The following NAALADL2 variants were observed in gnomAD, a reference collection of about 807,000 sequenced individuals.
NAALADL2 encodes the protein N-acetylated alpha-linked acidic dipeptidase like 2, also known as inactive N-acetylated-alpha-linked acidic dipeptidase-like protein 2.
In NAALADL2, 76 loss-of-function variants were observed where a neutral mutation model predicts 87.2. The observed-to-expected ratio is 0.87, with a 90% CI of 0.72 to 1.05. The LOEUF is 1.05. Ranked by LOEUF, NAALADL2 falls within the 50% of genes least tolerant of loss-of-function variation. The pLI, the probability that NAALADL2 is intolerant of heterozygous loss-of-function variation, is 0.00. For missense variants in NAALADL2, 1,089 were observed against 945.8 expected, an observed-to-expected ratio of 1.15 and a Z score of -1.99; for synonymous variants, 354 against 331.0, an observed-to-expected ratio of 1.07 and a Z score of -0.75.
At chr3:175,301,926 C>T (rs992043769) in intron 4 of NAALADL2, among the ~76,000 whole-genome samples, 4 of 152,084 alleles carry the variant, frequency 2.6e-5, no homozygotes, top group South Asian at 2.1e-4. Flanking sequence ...TTGGGGACAC[C>T]GTTAACTAAT....
intron 5 of NAALADL2, among the ~76,000 whole-genome samples, chr3:175,434,413 G>A (rs1258495567): frequency 3.3e-5 from 5 of 151,886 alleles, no homozygotes. Context: ...GTCAAAAACA[G>A]GAAACTGCAA....
intron 2 of NAALADL2, among the ~76,000 whole-genome samples, chr3:175,193,347 T>C (rs1276529842): frequency 6.6e-6 from 1 of 151,710 alleles, no homozygotes; most frequent in Non-Finnish European, 1.5e-5. Flanking sequence ...TTTTAGAGGG[T>C]TTATCTCAAG....
intron 1 of NAALADL2, among the ~76,000 whole-genome samples, chr3:174,540,359 G>C (rs1415422584): frequency 6.6e-6 from 1 of 152,124 alleles, no homozygotes; most frequent in African/African-American, 2.4e-5. Context: ...TATTCTCTCT[G>C]TTGGTTTCCT....
chr3:175,103,637 A>AT, intron 2 of NAALADL2, among the ~76,000 whole-genome samples: 1 of 152,280 alleles, frequency 6.6e-6, no homozygotes, highest in South Asian at 2.1e-4. Context: ...ACAAGAGAGG[A>AT]TTTTCCATTC....
At chr3:174,485,353 C>T (rs1717786643) in intron 1 of NAALADL2, among the ~76,000 whole-genome samples, 1 of 151,518 alleles carries the variant, frequency 6.6e-6, no homozygotes, top group South Asian at 2.1e-4. Flanking sequence ...TATAGGTAAA[C>T]TTGTGTCATG....
rs1208490336 is a variant in NAALADL2, at chr3:174,459,162, T to C, written c.-184+18130T>C. ...ACTCTTTTATATATTAAGAACATTA[T>C]TGACAGAATAAAAAGTTGGTAGTCC... is the stretch of plus-strand genomic sequence containing the variant. On this transcript the variant is annotated intron_variant, in intron 1 of 3. Coordinates refer to the NAALADL2 transcript ENST00000434257. The C allele has an allele frequency of 2.6e-5, 4 of 152,356 alleles. No individual in the cohort carries two copies. The East Asian group carries it at 7.7e-4, about 29-fold the overall frequency. The allele number at this position is 152,356 out of a possible 1,614,324, so 9.4% of individuals were successfully genotyped here. A position where few individuals can be genotyped will look rare whatever the true frequency, so the allele number is the denominator to read the frequency against.
chr3:175,125,627 GA>G (rs1726838693), intron 2 of NAALADL2, among the ~76,000 whole-genome samples: 5 of 152,102 alleles, frequency 3.3e-5, no homozygotes, highest in Admixed American at 3.3e-4. Flanking sequence ...GTGGCTAAAA[GA>G]ACATACAGTT....
At chr3:175,791,508 A>T (rs943938860) in intron 13 of NAALADL2, among the ~76,000 whole-genome samples, 6 of 152,182 alleles carry the variant, frequency 3.9e-5, no homozygotes, top group Non-Finnish European at 5.9e-5. Context: ...GTTCAACATT[A>T]TTCACTCTTG....
chr3:175,730,441 T>TAC (rs1743577577), intron 11 of NAALADL2, among the ~76,000 whole-genome samples: 3 of 63,056 alleles, frequency 4.8e-5, no homozygotes, highest in Non-Finnish European at 1.0e-4. Flanking sequence ...TATATATATA[T>TAC]ATACACACAT....
At chr3:175,397,857 A>C (rs534220319) in intron 5 of NAALADL2, among the ~76,000 whole-genome samples, 1 of 152,226 alleles carries the variant, frequency 6.6e-6, no homozygotes, top group East Asian at 1.9e-4. Context: ...GGTGAAGATT[A>C]GGGGCCTTTT....
chr3:175,400,417 T>C (rs1770414947), intron 5 of NAALADL2, among the ~76,000 whole-genome samples: 1 of 152,152 alleles, frequency 6.6e-6, no homozygotes, highest in African/African-American at 2.4e-5. Flanking sequence ...ACCAGGACCA[T>C]GTTTGTCTGT....
At chr3:175,225,229 A>T (rs1244109224) in intron 2 of NAALADL2, among the ~76,000 whole-genome samples, 1 of 152,178 alleles carries the variant, frequency 6.6e-6, no homozygotes, top group African/African-American at 2.4e-5. Context: ...TAAAATTACC[A>T]TTACATTTTA....
intron 5 of NAALADL2, among the ~76,000 whole-genome samples, chr3:175,338,544 A>G (rs1216887700): frequency 1.4e-5 from 2 of 147,212 alleles, no homozygotes; most frequent in African/African-American, 2.5e-5. Context: ...CAGAGGCACC[A>G]GGAAGGTTGT....
At chr3:175,382,828 G>A (rs978435825) in intron 5 of NAALADL2, among the ~76,000 whole-genome samples, 1 of 151,798 alleles carries the variant, frequency 6.6e-6, no homozygotes, top group African/African-American at 2.4e-5. Context: ...GGAACTCGAA[G>A]AAGATATACT....
chr3:175,022,359 C>G (rs1232569031), intron 1 of NAALADL2, among the ~76,000 whole-genome samples: 1 of 151,988 alleles, frequency 6.6e-6, no homozygotes, highest in Non-Finnish European at 1.5e-5. Flanking sequence ...AGAGAAATTT[C>G]AAGGACTCTA....
At chr3:174,509,591 T>G (rs1222597650) in intron 1 of NAALADL2, among the ~76,000 whole-genome samples, 7 of 123,428 alleles carry the variant, frequency 5.7e-5, no homozygotes, top group African/African-American at 2.4e-4. Context: ...TTTTTTTTTT[T>G]TTTTTTTTGT....
chr3:175,401,958 T>C (rs1014502202), intron 5 of NAALADL2, among the ~76,000 whole-genome samples: 6 of 152,082 alleles, frequency 3.9e-5, no homozygotes, highest in African/African-American at 1.4e-4. Context: ...TAAAGCCTAG[T>C]TGAGATTAAC....
At chr3:174,654,867 C>T (rs1724743519) in intron 2 of NAALADL2, among the ~76,000 whole-genome samples, 1 of 152,034 alleles carries the variant, frequency 6.6e-6, no homozygotes, top group Non-Finnish European at 1.5e-5. Flanking sequence ...TCCTGAGTAT[C>T]TGGGACTACA....
intron 11 of NAALADL2, among the ~76,000 whole-genome samples, chr3:175,725,947 T>G (rs1227419209): frequency 1.3e-5 from 2 of 152,260 alleles, no homozygotes; most frequent in African/African-American, 4.8e-5. Flanking sequence ...AGATTCTTAA[T>G]TTGTCAATCA....
Sources: gnomAD v4.1 joint callset for allele counts (sites outside exome capture counted in the v4.1 genomes callset) on GRCh38, gnomAD v4.1.1 for gene constraint, MANE v1.5 for transcripts, NCBI Gene and HGNC (gene_info 2026-07-23, HGNC 2026-07-21) for gene names.